Variants in HOXB3 observed in about 807,000 individuals in gnomAD.
HOXB3 encodes homeobox B3.
A neutral mutation model predicts 29.2 loss-of-function variants in HOXB3; 17 were observed. That is an observed-to-expected ratio of 0.58 (90% CI 0.40 to 0.87). The LOEUF is 0.87. Ranked by LOEUF, HOXB3 falls within the 40% of genes least tolerant of loss-of-function variation. HOXB3 has a pLI of 0.00. For synonymous variants in HOXB3, 317 were observed against 285.9 expected (o/e 1.11, Z -1.10); for missense variants, 637 against 616.3 (o/e 1.03, Z -0.35).
In HOXB3 at chr17:48,551,118, C is replaced by G; in HGVS notation, c.512G>C (p.Gly171Ala). The G allele has an allele frequency of 7.4e-7, 1 of 1,355,190 alleles. No individual in the cohort carries two copies. 83.9% of individuals were successfully genotyped at this position (1,355,190 alleles called of 1,614,324 possible). A position where few individuals can be genotyped will look rare whatever the true frequency, so the allele number is the denominator to read the frequency against. Reference protein sequence around the residue: ...GGGGSGGSGGGGGGGGGGDKS... With the variant: ...GGGGSGGSGGAGGGGGGGDKS... Reference sequence around the variant, plus strand: ...GTCCCCTCCCCCGCCGCCGCCGCCACCGCCCCCGCTGCCACCACTGCCTCC... The same window carrying G: ...GTCCCCTCCCCCGCCGCCGCCGCCAGCGCCCCCGCTGCCACCACTGCCTCC... The change falls in exon 5 of 5, where the codon GGT becomes GCT. Residue 171 changes from glycine (G) to alanine (A), a missense_variant. Coordinates refer to ENST00000498678, the MANE Select transcript of HOXB3 (RefSeq NM_001384749.1).
intron 1 of HOXB3, among the ~76,000 whole-genome samples, chr17:48,583,476 G>A (rs1567966279): frequency 1.3e-5 from 2 of 152,120 alleles, no homozygotes; most frequent in African/African-American, 4.8e-5. Flanking sequence ...AGCTTCCTAG[G>A]GTCCTGCAGA....
intron 1 of HOXB3, chr17:48,574,439 C>A (rs1253844100): frequency 6.6e-6 from 1 of 152,428 alleles, no homozygotes; most frequent in African/African-American, 2.4e-5. Flanking sequence ...GTTCCCCCTG[C>A]CCTACCCAGC....
intron 3 of HOXB3, among the ~76,000 whole-genome samples, chr17:48,555,209 G>A (rs889635205): frequency 1.3e-5 from 2 of 151,912 alleles, no homozygotes; most frequent in African/African-American, 4.8e-5. Flanking sequence ...AAGAAAGGAA[G>A]ACAGAGAAAG....
At chr17:48,576,497 G>T in intron 1 of HOXB3, 1 of 382,614 alleles carries the variant, frequency 2.6e-6, no homozygotes, top group Admixed American at 4.9e-5. Flanking sequence ...CAAGAGATTT[G>T]AATCTTGCTT....
At chr17:48,564,861 G>T (rs1033387507) in intron 2 of HOXB3, among the ~76,000 whole-genome samples, 2 of 152,194 alleles carry the variant, frequency 1.3e-5, no homozygotes, top group Non-Finnish European at 2.9e-5. Flanking sequence ...AGGATCAGAC[G>T]GGCGAGAAAG....
At chr17:48,562,787 T>G (rs1034993508) in intron 2 of HOXB3, among the ~76,000 whole-genome samples, 2 of 152,128 alleles carry the variant, frequency 1.3e-5, no homozygotes, top group African/African-American at 4.8e-5. Flanking sequence ...CTGAGAAAAT[T>G]TAATGCAAAA....
At position 48,552,330 on chromosome 17, in the gene HOXB3, G is replaced by T. The variant is rs2068786940; in HGVS notation, c.145C>A (p.Arg49Ser). The change falls in exon 4 of 5, where the codon CGC becomes AGC. Residue 49 changes from arginine (R) to serine (S), a missense_variant. Coordinates refer to ENST00000498678, the MANE Select transcript of HOXB3 (RefSeq NM_001384749.1). ...AATHLEGDYQ[R>S]SACSLQSLGN... is the part of the protein sequence containing the mutation. ...AGGGACTGCAGCGAGCAAGCTGAGC[G>T]CTGGTAGTCGCCCTCCAGGTGCGTG... 6.2e-7 allele frequency: 1 copy of T among 1,614,116 alleles called. No individual in the cohort carries two copies. Among genetic ancestry groups the T allele is most frequent in the East Asian group, 2.2e-5 (1 of 44,888 alleles).
chr17:48,578,004 G>C, intron 1 of HOXB3: 6 of 1,288,182 alleles, frequency 4.7e-6, no homozygotes, highest in African/African-American at 1.5e-5. Context: ...CGCTGGCCGG[G>C]CTCCGGGAGG....
chr17:48,573,206 A>G (rs1567960678), intron 2 of HOXB3, among the ~76,000 whole-genome samples: 1 of 152,216 alleles, frequency 6.6e-6, no homozygotes, highest in African/African-American at 2.4e-5. Context: ...TTTCTGCATC[A>G]GTCCACCTTG....
At position 48,555,904 on chromosome 17, in the gene HOXB3, C is replaced by G. The variant is rs1226768698; in HGVS notation, c.-246-286G>C. Among the ~76,000 whole-genome samples, 5 of 152,260 alleles carry G rather than the reference C, an allele frequency of 3.3e-5. No homozygotes were observed. The East Asian group carries it at 9.7e-4, about 29-fold the overall frequency. ...GGCTAAGCCGCCACAGTGTGGTTGCCCTATAAGACTGGTACGCCCTACTCT... is the reference window on the plus strand; with the variant it reads ...GGCTAAGCCGCCACAGTGTGGTTGCGCTATAAGACTGGTACGCCCTACTCT... On this transcript the variant is annotated intron_variant, in intron 2 of 4. Transcript: ENST00000498678.
At chr17:48,588,195 G>A (rs994627432) in intron 1 of HOXB3, among the ~76,000 whole-genome samples, 2 of 152,236 alleles carry the variant, frequency 1.3e-5, no homozygotes, top group African/African-American at 4.8e-5. Context: ...AGACAGGACT[G>A]GGGTTCAGCT....
At chr17:48,566,833 AC>A (rs914682083) in intron 2 of HOXB3, among the ~76,000 whole-genome samples, 1 of 151,872 alleles carries the variant, frequency 6.6e-6, no homozygotes, top group African/African-American at 2.4e-5. Flanking sequence ...TCACAGTCAT[AC>A]CCCCCAACAC....
chr17:48,552,438 C>A lies in HOXB3; in HGVS notation c.37G>T (p.Ala13Ser). 6.3e-7 allele frequency: 1 copy of A among 1,593,104 alleles called. No homozygotes were observed. Among genetic ancestry groups the A allele is most frequent in the Non-Finnish European group, 8.6e-7 (1 of 1,167,240 alleles). ...KATYYDNAAA[A>S]LFGGYSSYPG... ...TACGAGGAATAGCCTCCGAAGAGAG[C>A]AGCCGCGGCGTTGTCGTAGTAGGTG... The change falls in exon 4 of 5, where the codon GCT (alanine) becomes TCT (serine). Residue 13 changes from alanine to serine, a missense_variant. Ala to Ser is a moderately conservative substitution (Grantham distance 99, BLOSUM62 1). Transcript: ENST00000498678.
chr17:48,573,287 G>C (rs1287267563), intron 2 of HOXB3, among the ~76,000 whole-genome samples: 2 of 151,988 alleles, frequency 1.3e-5, no homozygotes, highest in East Asian at 1.9e-4. Context: ...CTAGACACAA[G>C]AAGAAAAAAA....
Position 48,570,555 on chromosome 17 carries a change from C to T in HOXB3, c.-247+3282G>A, listed in dbSNP as rs2069555232. ...TCTGAGGGGCCTCCCCCGGCTTGTT[C>T]GAAGGGGTCTAAACCAAAAGCAACT... is the stretch of plus-strand genomic sequence containing the variant. On this transcript the variant is annotated intron_variant, in intron 2 of 4. Transcript: ENST00000498678. Among the ~76,000 whole-genome samples the T allele has an allele frequency of 2.0e-5, 3 of 152,194 alleles. No individual in the cohort carries two copies. In the South Asian group the frequency reaches 6.2e-4, roughly 31 times the overall value.
intron 1 of HOXB3, among the ~76,000 whole-genome samples, chr17:48,587,756 ACTT>A: frequency 6.6e-6 from 1 of 152,290 alleles, no homozygotes; most frequent in Non-Finnish European, 1.5e-5. Flanking sequence ...ACTTCTTTAT[ACTT>A]CCTCCCACCC....
intron 2 of HOXB3, among the ~76,000 whole-genome samples, chr17:48,573,227 G>C (rs1287101186): frequency 6.6e-6 from 1 of 152,172 alleles, no homozygotes; most frequent in Non-Finnish European, 1.5e-5. Flanking sequence ...TCTGTGAACT[G>C]AGCAGTTTCC....
chr17:48,584,084 T>A (rs562167424), intron 1 of HOXB3, among the ~76,000 whole-genome samples: 2 of 152,364 alleles, frequency 1.3e-5, no homozygotes, highest in East Asian at 3.9e-4. Flanking sequence ...CCCAGTGTTA[T>A]AATTACTGAG....
chr17:48,585,395 G>A (rs1414867897), intron 1 of HOXB3, among the ~76,000 whole-genome samples: 1 of 152,238 alleles, frequency 6.6e-6, no homozygotes, highest in African/African-American at 2.4e-5. Flanking sequence ...GGGGCTCCTC[G>A]GGAGCAGAAG....
Sources: gnomAD v4.1 joint callset for allele counts (sites outside exome capture counted in the v4.1 genomes callset) on GRCh38, gnomAD v4.1.1 for gene constraint, MANE v1.5 for transcripts, NCBI Gene and HGNC (gene_info 2026-07-23, HGNC 2026-07-21) for gene names.